Variants in GART observed in about 807,000 individuals in gnomAD.
GART encodes the protein phosphoribosylglycinamide formyltransferase, phosphoribosylglycinamide synthetase, phosphoribosylaminoimidazole synthetase.
GART carries 43 observed loss-of-function variants against 107.2 expected under a neutral mutation model. The observed-to-expected ratio is 0.40, with a 90% CI of 0.31 to 0.52. The LOEUF is 0.52. Among genes scored for constraint, GART ranks in the 20% least tolerant of loss-of-function variants. The pLI is 0.52. For missense variants in GART, 1,107 were observed against 1,206.5 expected (o/e 0.92, Z 1.22); for synonymous variants, 434 against 427.0 (o/e 1.02, Z -0.20).
At chr21:33,542,737 GC>G (rs1486807219), upstream of GART, 1 of 245,682 alleles carries the variant, frequency 4.1e-6, no homozygotes, top group Non-Finnish European at 8.0e-6. Flanking sequence ...TTAATCTCAG[GC>G]ACTTAGCAAG....
intron 11 of GART, chr21:33,524,511 TA>T (rs1198626710): frequency 7.5e-5 from 75 of 1,001,076 alleles, no homozygotes; most frequent in African/African-American, 2.2e-4. Context: ...AAATATAAAA[TA>T]AAAAAAATAG....
intron 14 of GART, 24 bp downstream of exon 14, chr21:33,520,340 A>G (rs970483510): frequency 6.2e-7 from 1 of 1,606,044 alleles, no homozygotes. Context: ...ATGACATGTT[A>G]TTGATTAAAA....
chr21:33,512,194 G>C (rs933675637), intron 16 of GART, among the ~76,000 whole-genome samples: 3 of 143,932 alleles, frequency 2.1e-5, no homozygotes, highest in African/African-American at 5.1e-5. Context: ...TGAGGCAGGA[G>C]AATCACTTAA....
chr21:33,516,982 A>AT lies in GART; in HGVS notation c.2107+6dup. 2 of 1,587,284 alleles carry AT rather than the reference A, an allele frequency of 1.3e-6. No homozygotes were observed. Among genetic ancestry groups the AT allele is most frequent in the Non-Finnish European group, 1.7e-6 (2 of 1,172,538 alleles). ...TTCTGAACAGAAGTTCGTTTTAGTG[A>AT]TCTTACCTAAATCTACCCCAAGTTT... is the stretch of plus-strand genomic sequence containing the variant. On this transcript the variant is annotated splice_region_variant and intron_variant, in intron 16 of 21. Coordinates refer to ENST00000381815, the MANE Select transcript of GART (RefSeq NM_000819.5).
chr21:33,513,238 T>C (rs994250760), intron 16 of GART, among the ~76,000 whole-genome samples: 1 of 151,666 alleles, frequency 6.6e-6, no homozygotes, highest in African/African-American at 2.4e-5. Flanking sequence ...GTGCTGGAAT[T>C]ACAGGGGTGA....
At chr21:33,523,396 T>A (rs1226389383) in intron 11 of GART, among the ~76,000 whole-genome samples, 3 of 152,210 alleles carry the variant, frequency 2.0e-5, no homozygotes, top group Non-Finnish European at 4.4e-5. Context: ...ATTTCCATTT[T>A]TTCATCTTTA....
chr21:33,520,783 T>C, intron 13 of GART, 123 bp downstream of exon 13: 2 of 785,958 alleles, frequency 2.5e-6, no homozygotes, highest in East Asian at 2.6e-5. Flanking sequence ...TTTTAGCCAT[T>C]TTACATGGTT....
chr21:33,522,139 C>G, intron 12 of GART, 49 bp downstream of exon 12: 7 of 1,340,754 alleles, frequency 5.2e-6, no homozygotes, highest in Non-Finnish European at 7.5e-6. Context: ...CAAATCCATT[C>G]ACAATGTATA....
intron 14 of GART, among the ~76,000 whole-genome samples, chr21:33,519,863 T>C (rs560269463): frequency 2.3e-4 from 35 of 151,272 alleles, no homozygotes; most frequent in Admixed American, 5.9e-4. Context: ...GTTATTTTGT[T>C]CCTTGATCAA....
At chr21:33,522,386 C>G in intron 11 of GART, 104 bp from the exon 12 acceptor site, 1 of 885,302 alleles carries the variant, frequency 1.1e-6, no homozygotes, top group Admixed American at 2.4e-5. Context: ...TTCACATACC[C>G]TAAAGTGCTT....
chr21:33,538,195 G>C (rs2145767394), intron 2 of GART, among the ~76,000 whole-genome samples: 1 of 131,462 alleles, frequency 7.6e-6, no homozygotes, highest in Non-Finnish European at 1.5e-5. Context: ...AGTGAGCTGA[G>C]ATCACGCTAC....
At position 33,504,068 on chromosome 21, in the gene GART, C is replaced by G. The variant is rs2084636850; in HGVS notation, c.*56G>C. The G allele has an allele frequency of 3.4e-6, 5 of 1,487,096 alleles. No individual in the cohort carries two copies. In the East Asian group the frequency reaches 9.1e-5, roughly 27 times the overall value. The allele number at this position is 1,487,096 out of a possible 1,614,324, so 92.1% of individuals were successfully genotyped here. On this transcript the variant is annotated 3_prime_UTR_variant, in exon 22 of 22. Transcript: ENST00000381815. ...GGCCAAGTCCATGATAAAAAACCAC[C>G]ATGCAAACAGCAAATAATTCTTTCT...
intron 14 of GART, among the ~76,000 whole-genome samples, chr21:33,519,891 C>T (rs1422233610): frequency 6.6e-6 from 1 of 150,504 alleles, no homozygotes; most frequent in Non-Finnish European, 1.5e-5. Context: ...ATTCATTTTG[C>T]TCAAACATTT....
intron 21 of GART, 25 bp downstream of exon 21, chr21:33,504,387 T>C (rs1003872066): frequency 2.4e-5 from 38 of 1,609,768 alleles, no homozygotes; most frequent in Non-Finnish European, 3.1e-5. Flanking sequence ...ACTAATATTA[T>C]GTTGGTAGAA....
chr21:33,516,117 G>A lies in GART; in HGVS notation c.2107+872C>T, dbSNP rs545837080. On this transcript the variant is annotated intron_variant, in intron 16 of 21. Transcript: ENST00000381815. ...ACAAAAATTAGCCGGGCATGGTGGC[G>A]GGTGCCTGTAATCCTAGCTACTTGG... Among the ~76,000 whole-genome samples, 18 of 151,714 alleles carry A rather than the reference G, an allele frequency of 1.2e-4. No individual in the cohort carries two copies. In the South Asian group the frequency reaches 3.5e-3, roughly 30 times the overall value.
chr21:33,528,454 G>T, intron 9 of GART, 65 bp downstream of exon 9: 1 of 1,538,910 alleles, frequency 6.5e-7, no homozygotes, highest in South Asian at 1.2e-5. Context: ...CTTCCAGGCT[G>T]ATAAATTCCA....
At chr21:33,534,534 T>C in intron 4 of GART, 45 bp downstream of exon 4, 1 of 1,606,586 alleles carries the variant, frequency 6.2e-7, no homozygotes, top group South Asian at 1.1e-5. Flanking sequence ...TGTATTTAAA[T>C]ATCAAAACTA....
At chr21:33,506,148 T>A in intron 18 of GART, 44 bp from the exon 19 acceptor site, 1 of 376,558 alleles carries the variant, frequency 2.7e-6, no homozygotes, top group Non-Finnish European at 4.1e-6. Context: ...CTACTACTTC[T>A]TTTTTTTTTT....
intron 3 of GART, 66 bp from the exon 4 acceptor site, chr21:33,534,819 G>A (rs948697988): frequency 2.5e-5 from 34 of 1,382,534 alleles, no homozygotes; most frequent in Admixed American, 5.0e-5. Flanking sequence ...GCCTGAAGAC[G>A]AATTAGTATC....
Sources: allele counts gnomAD v4.1 joint callset (sites outside exome capture counted in the v4.1 genomes callset), GRCh38; gene constraint gnomAD v4.1.1; transcripts MANE v1.5; gene names NCBI Gene and HGNC (gene_info 2026-07-23, HGNC 2026-07-21).